The following ARID5B variants were observed in gnomAD, a reference collection of about 807,000 sequenced individuals.
ARID5B encodes the protein AT-rich interaction domain 5B.
A neutral mutation model predicts 97.2 loss-of-function variants in ARID5B; 13 were observed. The observed-to-expected ratio is 0.13, with a 90% CI of 0.09 to 0.21. The LOEUF (loss-of-function observed/expected upper bound fraction) is 0.21, where lower values mean the gene tolerates loss of function less well. Ranked by LOEUF, ARID5B falls within the 10% of genes least tolerant of loss-of-function variation. The pLI, the probability that ARID5B is intolerant of heterozygous loss-of-function variation, is 1.00. For missense variants in ARID5B, 1,210 were observed against 1,465.3 expected, an observed-to-expected ratio of 0.83 and a Z score of 2.84; for synonymous variants, 556 against 570.3, an observed-to-expected ratio of 0.97 and a Z score of 0.36.
At chr10:62,051,244 C>A in intron 5 of ARID5B, 1 of 586,890 alleles carries the variant, frequency 1.7e-6, no homozygotes, top group South Asian at 2.0e-5. Flanking sequence ...CCCAGTTTGG[C>A]CTGTTATGAG....
chr10:62,039,339 A>C (rs1218834915), intron 4 of ARID5B, among the ~76,000 whole-genome samples: 1 of 152,220 alleles, frequency 6.6e-6, no homozygotes, highest in Non-Finnish European at 1.5e-5. Context: ...ATGTTGCAGA[A>C]ATTTTGGTCT....
chr10:61,977,704 TG>T (rs1838720075), intron 3 of ARID5B, among the ~76,000 whole-genome samples: 1 of 152,214 alleles, frequency 6.6e-6, no homozygotes, highest in African/African-American at 2.4e-5. Context: ...TTGATGGGGT[TG>T]TTTGTTTTTT....
intron 3 of ARID5B, among the ~76,000 whole-genome samples, chr10:61,966,929 T>A (rs1005355167): frequency 1.3e-5 from 2 of 152,176 alleles, no homozygotes; most frequent in African/African-American, 4.8e-5. Flanking sequence ...TGGACCTATA[T>A]TTCCATGAAT....
chr10:62,068,509 C>T (rs891667370), intron 7 of ARID5B, among the ~76,000 whole-genome samples: 10 of 151,954 alleles, frequency 6.6e-5, no homozygotes, highest in South Asian at 2.1e-4. Context: ...TACAGAGCCC[C>T]GGTTGCAAGT....
chr10:61,942,782 C>G (rs142700659), intron 3 of ARID5B, among the ~76,000 whole-genome samples: 2 of 152,028 alleles, frequency 1.3e-5, no homozygotes, highest in African/African-American at 4.8e-5. Flanking sequence ...GCGACAACAG[C>G]GAGGCTCTGT....
intron 3 of ARID5B, among the ~76,000 whole-genome samples, chr10:61,961,698 T>C (rs1020152874): frequency 6.6e-6 from 1 of 152,190 alleles, no homozygotes; most frequent in Non-Finnish European, 1.5e-5. Flanking sequence ...AGCCCCTTGA[T>C]TGGGCTTGGG....
chr10:61,975,521 C>G (rs1838687050), intron 3 of ARID5B, among the ~76,000 whole-genome samples: 1 of 152,038 alleles, frequency 6.6e-6, no homozygotes, highest in Admixed American at 6.6e-5. Context: ...GCTGAGTCAT[C>G]CTAGACAAGT....
Sources: allele counts gnomAD v4.1 joint callset (sites outside exome capture counted in the v4.1 genomes callset), GRCh38; gene constraint gnomAD v4.1.1; transcripts MANE v1.5; gene names NCBI Gene and HGNC (gene_info 2026-07-23, HGNC 2026-07-21).